The following CA8 variants were observed in gnomAD, a reference collection of about 807,000 sequenced individuals.
CA8 encodes the protein carbonic anhydrase-related protein.
Under a neutral mutation model 41.4 loss-of-function variants are expected in CA8, and 22 were observed. The ratio of observed to expected loss-of-function variants is 0.53; its 90% confidence interval spans 0.38 to 0.76. The LOEUF is 0.76. CA8 is among the 30% of genes least tolerant of loss of function. The pLI is 0.00. For missense variants in CA8, 270 were observed against 352.8 expected, an observed-to-expected ratio of 0.77 and a Z score of 1.88; for synonymous variants, 121 against 130.6, an observed-to-expected ratio of 0.93 and a Z score of 0.50.
chr8:60,234,510 T>G (rs1282387087), intron 3 of CA8, among the ~76,000 whole-genome samples: 3 of 152,234 alleles, frequency 2.0e-5, no homozygotes, highest in Non-Finnish European at 4.4e-5. Flanking sequence ...GGGAATTTTC[T>G]GTACTGTCTT....
At chr8:60,206,677 CATT>C (rs1202167368) in intron 8 of CA8, among the ~76,000 whole-genome samples, 2 of 152,114 alleles carry the variant, frequency 1.3e-5, no homozygotes, top group Non-Finnish European at 2.9e-5. Context: ...GCCCCTTCAT[CATT>C]AAATGGTAAG....
intron 7 of CA8, among the ~76,000 whole-genome samples, chr8:60,218,068 T>A (rs1656097529): frequency 6.6e-6 from 1 of 152,206 alleles, no homozygotes; most frequent in South Asian, 2.1e-4. Flanking sequence ...TCGCAGGCTC[T>A]CCACACTTAC....
intron 3 of CA8, chr8:60,232,658 G>T: frequency 2.2e-6 from 1 of 461,956 alleles, no homozygotes; most frequent in South Asian, 2.2e-5. Context: ...ACTTCACATT[G>T]ATTCAGTTAT....
At chr8:60,204,427 T>C (rs1455169678) in intron 8 of CA8, among the ~76,000 whole-genome samples, 1 of 152,210 alleles carries the variant, frequency 6.6e-6, no homozygotes, top group African/African-American at 2.4e-5. Flanking sequence ...AAAAAATCAT[T>C]CTGAAATTTT....
chr8:60,240,585 A>G (rs1807988740), intron 3 of CA8, among the ~76,000 whole-genome samples: 1 of 152,240 alleles, frequency 6.6e-6, no homozygotes, highest in South Asian at 2.1e-4. Flanking sequence ...CTGGACCTGT[A>G]AACCACTTTC....
At chr8:60,256,133 C>T (rs900387635) in intron 3 of CA8, among the ~76,000 whole-genome samples, 1 of 152,134 alleles carries the variant, frequency 6.6e-6, no homozygotes, top group African/African-American at 2.4e-5. Context: ...TGGTTTTGAA[C>T]TCCTGACCTC....
At chr8:60,228,573 G>A (rs1807526212) in intron 4 of CA8, among the ~76,000 whole-genome samples, 1 of 152,178 alleles carries the variant, frequency 6.6e-6, no homozygotes, top group South Asian at 2.1e-4. Flanking sequence ...TCCTGACTCT[G>A]CCACCTCTTA....
At chr8:60,276,381 A>T (rs572539596) in intron 2 of CA8, among the ~76,000 whole-genome samples, 1 of 152,312 alleles carries the variant, frequency 6.6e-6, no homozygotes, top group East Asian at 1.9e-4. Flanking sequence ...CGAGGGAGGG[A>T]AGACAACCTG....
At chr8:60,193,451 T>C (rs1806192219) in intron 8 of CA8, among the ~76,000 whole-genome samples, 1 of 152,174 alleles carries the variant, frequency 6.6e-6, no homozygotes, top group Non-Finnish European at 1.5e-5. Context: ...TCTTTTTCCT[T>C]AGCTTACTCC....
chr8:60,226,189 G>T (rs375333865), intron 5 of CA8, among the ~76,000 whole-genome samples: 5 of 152,166 alleles, frequency 3.3e-5, no homozygotes, highest in African/African-American at 1.2e-4. Context: ...GGTAGGAAAG[G>T]GTTAACTCAG....
At chr8:60,259,279 T>G (rs1372882510) in intron 3 of CA8, among the ~76,000 whole-genome samples, 1 of 152,224 alleles carries the variant, frequency 6.6e-6, no homozygotes, top group Non-Finnish European at 1.5e-5. Flanking sequence ...AGAACCCAAT[T>G]GAAAATATTT....
chr8:60,238,576 A>ACC (rs527738957), intron 3 of CA8, among the ~76,000 whole-genome samples: 1 of 152,026 alleles, frequency 6.6e-6, no homozygotes, highest in African/African-American at 2.4e-5. Flanking sequence ...GAGACCTGGG[A>ACC]CCCCCGTGCC....
At chr8:60,190,071 G>A (rs1806071688) in intron 8 of CA8, 86 bp from the exon 9 acceptor site, 1 of 150,764 alleles carries the variant, frequency 6.6e-6, no homozygotes, top group African/African-American at 2.4e-5. Flanking sequence ...TACAGTACAA[G>A]AGATAGTAAA....
At chr8:60,212,307 C>A (rs938019518) in intron 7 of CA8, among the ~76,000 whole-genome samples, 5 of 152,360 alleles carry the variant, frequency 3.3e-5, no homozygotes, top group Admixed American at 6.5e-5. Flanking sequence ...GGCTACTTAA[C>A]TTTCAGGAGT....
intron 5 of CA8, 43 bp from the exon 6 acceptor site, chr8:60,224,628 T>C (rs1433732228): frequency 8.3e-7 from 1 of 1,208,986 alleles, no homozygotes; most frequent in Non-Finnish European, 1.2e-6. Flanking sequence ...ATGTAATATT[T>C]CTAGATTTTA....
chr8:60,217,685 C>T (rs929336936), intron 7 of CA8, among the ~76,000 whole-genome samples: 1 of 152,204 alleles, frequency 6.6e-6, no homozygotes, highest in African/African-American at 2.4e-5. Context: ...TGCTCTTCCT[C>T]CTTGATTCCC....
intron 3 of CA8, among the ~76,000 whole-genome samples, chr8:60,235,390 G>A (rs1456428324): frequency 6.6e-6 from 1 of 152,152 alleles, no homozygotes; most frequent in Admixed American, 6.5e-5. Context: ...TCTCTGTGAT[G>A]ACCCTATGTC....
intron 3 of CA8, among the ~76,000 whole-genome samples, chr8:60,239,070 T>A (rs577660229): frequency 6.6e-6 from 1 of 151,846 alleles, no homozygotes; most frequent in Admixed American, 6.5e-5. Context: ...ACCAAAATCA[T>A]TTTATCAAAA....
At chr8:60,212,535 C>A (rs929710344) in intron 7 of CA8, among the ~76,000 whole-genome samples, 2 of 152,202 alleles carry the variant, frequency 1.3e-5, no homozygotes, top group South Asian at 4.1e-4. Context: ...TGGAAATCAA[C>A]AAGACATGGA....
Sources: gnomAD v4.1 joint callset for allele counts (sites outside exome capture counted in the v4.1 genomes callset) on GRCh38, gnomAD v4.1.1 for gene constraint, MANE v1.5 for transcripts, NCBI Gene and HGNC (gene_info 2026-07-23, HGNC 2026-07-21) for gene names.